Variants in LUZP2 observed in about 807,000 individuals in gnomAD.
The protein encoded by LUZP2 is leucine zipper protein 2.
A neutral mutation model predicts 51.6 loss-of-function variants in LUZP2; 52 were observed. The observed-to-expected ratio is 1.01, with a 90% CI of 0.81 to 1.27. LUZP2 has a LOEUF of 1.27. LUZP2 is among the 50% of genes most tolerant of loss of function. LUZP2 has a pLI of 0.00. For missense variants in LUZP2, 436 were observed against 395.4 expected (o/e 1.10, Z -0.87); for synonymous variants, 154 against 137.3 (o/e 1.12, Z -0.85).
intron 1 of LUZP2, among the ~76,000 whole-genome samples, chr11:24,527,214 G>GT (rs991694112): frequency 2.0e-5 from 3 of 151,216 alleles, no homozygotes; most frequent in Non-Finnish European, 4.5e-5. Flanking sequence ...TCTCAATATG[G>GT]TTTATCTTCT....
intron 5 of LUZP2, among the ~76,000 whole-genome samples, chr11:24,793,145 C>G (rs1006825473): frequency 6.6e-6 from 1 of 152,114 alleles, no homozygotes; most frequent in Admixed American, 6.6e-5. Flanking sequence ...AATTTCCATG[C>G]TGGAACAGGT....
chr11:24,704,444 G>GA (rs35062774), intron 1 of LUZP2, among the ~76,000 whole-genome samples: 32,823 of 140,184 alleles, frequency 0.23, 3,650 homozygotes, highest in East Asian at 0.34. Context: ...TACTAAATCA[G>GA]AAAAAAAAAA....
intron 5 of LUZP2, among the ~76,000 whole-genome samples, chr11:24,874,258 G>A (rs891434899): frequency 6.6e-6 from 1 of 152,102 alleles, no homozygotes; most frequent in African/African-American, 2.4e-5. Flanking sequence ...AAGGTGATTC[G>A]AGGGCCCCTG....
At chr11:24,973,488 G>C (rs1385304940) in intron 7 of LUZP2, among the ~76,000 whole-genome samples, 1 of 149,758 alleles carries the variant, frequency 6.7e-6, no homozygotes, top group Admixed American at 6.7e-5. Context: ...CTAGCTTTGG[G>C]GTTTGTTTGC....
intron 1 of LUZP2, among the ~76,000 whole-genome samples, chr11:24,507,575 T>C (rs1440811335): frequency 6.6e-6 from 1 of 152,062 alleles, no homozygotes; most frequent in East Asian, 1.9e-4. Flanking sequence ...TTAGAAAATA[T>C]GAGACAAAAG....
At chr11:24,679,848 T>A (rs142120757) in intron 1 of LUZP2, among the ~76,000 whole-genome samples, 155 of 152,322 alleles carry the variant, frequency 1.0e-3, no homozygotes, top group Non-Finnish European at 1.8e-3. Context: ...TTCCTAGCTA[T>A]AGGAATTGTG....
intron 7 of LUZP2, among the ~76,000 whole-genome samples, chr11:24,942,929 C>T (rs1159380305): frequency 6.6e-6 from 1 of 152,038 alleles, no homozygotes; most frequent in African/African-American, 2.4e-5. Flanking sequence ...TCAGATTTTT[C>T]TTATTATTTA....
chr11:25,051,458 A>T (rs1357413846), intron 10 of LUZP2, among the ~76,000 whole-genome samples: 1 of 152,254 alleles, frequency 6.6e-6, no homozygotes, highest in African/African-American at 2.4e-5. Context: ...TTACTTCCAA[A>T]GGAGGAGAGA....
intron 5 of LUZP2, among the ~76,000 whole-genome samples, chr11:24,814,278 C>T (rs1205013527): frequency 6.6e-6 from 1 of 152,078 alleles, no homozygotes; most frequent in Non-Finnish European, 1.5e-5. Context: ...ATTATTTCTT[C>T]ATCCTCGTTT....
chr11:24,653,573 G>A (rs1035424741), intron 1 of LUZP2, among the ~76,000 whole-genome samples: 1 of 152,108 alleles, frequency 6.6e-6, no homozygotes, highest in African/African-American at 2.4e-5. Flanking sequence ...CTTAGCTATG[G>A]CATTTATAGC....
chr11:24,866,672 T>G (rs528569699), intron 5 of LUZP2, among the ~76,000 whole-genome samples: 1 of 152,324 alleles, frequency 6.6e-6, no homozygotes, highest in South Asian at 2.1e-4. Context: ...TCAACATATA[T>G]AGCAGATTTG....
intron 1 of LUZP2, among the ~76,000 whole-genome samples, chr11:24,659,919 A>G (rs540091199): frequency 6.6e-6 from 1 of 152,246 alleles, no homozygotes; most frequent in Admixed American, 6.5e-5. Flanking sequence ...GTTAGATTAG[A>G]TTAGATTAGA....
intron 1 of LUZP2, among the ~76,000 whole-genome samples, chr11:24,725,870 G>A (rs1858456877): frequency 1.3e-5 from 2 of 152,058 alleles, no homozygotes; most frequent in African/African-American, 4.8e-5. Context: ...TTATGTAAAG[G>A]GGGAATTTAG....
At chr11:24,998,437 A>C (rs537805182) in intron 9 of LUZP2, among the ~76,000 whole-genome samples, 1 of 152,280 alleles carries the variant, frequency 6.6e-6, no homozygotes, top group Non-Finnish European at 1.5e-5. Context: ...TTATTGGTGT[A>C]TAAGAATGCT....
intron 1 of LUZP2, among the ~76,000 whole-genome samples, chr11:24,678,078 G>GC (rs1460488100): frequency 1.8e-4 from 22 of 120,298 alleles, no homozygotes; most frequent in African/African-American, 7.8e-4. Flanking sequence ...AGGAGAAAGG[G>GC]GGGGGGGGGT....
At chr11:24,965,576 G>A (rs1855557344) in intron 7 of LUZP2, among the ~76,000 whole-genome samples, 1 of 151,610 alleles carries the variant, frequency 6.6e-6, no homozygotes, top group Non-Finnish European at 1.5e-5. Context: ...GCAATTTTGA[G>A]GAAAAGTTAT....
intron 7 of LUZP2, among the ~76,000 whole-genome samples, chr11:24,973,855 A>G (rs974522133): frequency 1.3e-5 from 2 of 151,336 alleles, no homozygotes; most frequent in Non-Finnish European, 2.9e-5. Context: ...ACTTCCTCTT[A>G]TGTGATCAAT....
At chr11:24,751,424 G>A (rs1165306316) in intron 4 of LUZP2, 1 of 195,120 alleles carries the variant, frequency 5.1e-6, no homozygotes, top group Non-Finnish European at 9.3e-6. Context: ...ACTCTTCCTT[G>A]AGAGTATCAC....
intron 5 of LUZP2, among the ~76,000 whole-genome samples, chr11:24,885,541 A>G (rs1228435260): frequency 6.6e-6 from 1 of 152,142 alleles, no homozygotes. Flanking sequence ...TATGCCTACT[A>G]TTTGGAAAGT....
Sources: gnomAD v4.1 joint callset for allele counts (sites outside exome capture counted in the v4.1 genomes callset) on GRCh38, gnomAD v4.1.1 for gene constraint, MANE v1.5 for transcripts, NCBI Gene and HGNC (gene_info 2026-07-23, HGNC 2026-07-21) for gene names.